Variants in PCDHA3 observed in about 807,000 individuals in gnomAD.
The protein encoded by PCDHA3 is protocadherin alpha-3.
Under a neutral mutation model 62.2 loss-of-function variants are expected in PCDHA3, and 41 were observed. The ratio of observed to expected loss-of-function variants is 0.66; its 90% CI spans 0.51 to 0.86. PCDHA3 has a LOEUF of 0.86. PCDHA3 is among the 40% of genes least tolerant of loss of function. PCDHA3 has a pLI of 0.00. For missense variants in PCDHA3, 1,304 were observed against 1,241.2 expected (o/e 1.05, Z -0.76); for synonymous variants, 640 against 555.4 (o/e 1.15, Z -2.14).
At chr5:140,867,018 T>C (rs1445969805) in intron 1 of PCDHA3, 1 of 152,176 alleles carries the variant, frequency 6.6e-6, no homozygotes, top group Non-Finnish European at 1.5e-5. Context: ...TCATACACTA[T>C]ATCAAACTCT....
chr5:140,831,815 T>C (rs1475150566), intron 1 of PCDHA3, among the ~76,000 whole-genome samples: 1 of 152,196 alleles, frequency 6.6e-6, no homozygotes, highest in Admixed American at 6.6e-5. Flanking sequence ...AAAGTTGGAA[T>C]GATAAACACT....
chr5:140,929,471 G>C, intron 1 of PCDHA3: 1 of 1,293,428 alleles, frequency 7.7e-7, no homozygotes, highest in Non-Finnish European at 1.0e-6. Context: ...CAAGAAATCT[G>C]GAAGTATAGA....
At chr5:140,885,016 T>C (rs1554181958) in intron 1 of PCDHA3, among the ~76,000 whole-genome samples, 1 of 152,244 alleles carries the variant, frequency 6.6e-6, no homozygotes. Flanking sequence ...CTAATCGTAA[T>C]CTTAAATTTA....
chr5:140,920,974 A>G (rs77459262), intron 1 of PCDHA3, among the ~76,000 whole-genome samples: 17,697 of 151,984 alleles, frequency 0.12, 1,149 homozygotes, highest in Middle Eastern at 0.19. Context: ...CTAGAGTATA[A>G]TATTGTATTT....
At chr5:140,863,211 C>G in intron 1 of PCDHA3, 5 of 1,030,298 alleles carry the variant, frequency 4.9e-6, no homozygotes, top group Non-Finnish European at 7.2e-6. Context: ...CGGAGAGCAG[C>G]CAAGCGAGGA....
At chr5:140,816,594 T>C (rs1765954434) in intron 1 of PCDHA3, 1 of 152,074 alleles carries the variant, frequency 6.6e-6, no homozygotes, top group South Asian at 2.1e-4. Flanking sequence ...TTACTTTGTG[T>C]TGATATCTAT....
intron 1 of PCDHA3, chr5:140,967,149 C>A (rs781864120): frequency 1.3e-5 from 21 of 1,610,890 alleles, no homozygotes; most frequent in Non-Finnish European, 1.7e-5. Flanking sequence ...GCGCACAACC[C>A]CGTGGCGGTG....
At position 140,878,967 on chromosome 5, in the gene PCDHA3, C is replaced by T. The variant is rs562198206; in HGVS notation, c.2394+75376C>T. On this transcript the variant is annotated intron_variant, in intron 1 of 3. Coordinates refer to ENST00000522353, the MANE Select transcript of PCDHA3 (RefSeq NM_018906.3). ...ATGGTATTGAAATGTATTACCTGGA[C>T]ATTCCCCTCTATCTTAGAAATGAGA... Among the ~76,000 whole-genome samples, 52 of 152,298 alleles carry T rather than the reference C, an allele frequency of 3.4e-4. No individual in the cohort carries two copies. The South Asian group carries it at 0.01, about 30-fold the overall frequency.
At chr5:140,822,223 C>T (rs2150114671) in intron 1 of PCDHA3, 1 of 1,614,234 alleles carries the variant, frequency 6.2e-7, no homozygotes, top group South Asian at 1.1e-5. Flanking sequence ...GCCAGATTCG[C>T]GGTTTCCGCT....
In PCDHA3 at chr5:140,823,211, G is replaced by A. The variant is rs2150123519; in HGVS notation, c.2394+19620G>A. The A allele has an allele frequency of 1.9e-5, 30 of 1,613,796 alleles. 2 individuals carry two copies. The South Asian group carries it at 2.7e-4, about 15-fold the overall frequency. ...TGCCACATCTTCACGGTGTCTGCAC[G>A]GGACGCGGACGCGCAGGAGAACGCC... On this transcript the variant is annotated intron_variant, in intron 1 of 3. Transcript: ENST00000522353.
Position 140,843,013 on chromosome 5 carries a change from A to G in PCDHA3, c.2394+39422A>G, listed in dbSNP as rs2150350146. On this transcript the variant is annotated intron_variant, in intron 1 of 3. Coordinates refer to ENST00000522353, the MANE Select transcript of PCDHA3 (RefSeq NM_018906.3). The stretch of plus-strand genomic sequence containing the variant: ...TGGACGAGAATGACAACGCGCCGGC[A>G]CTGCTGGAGCCTCGGGTGGGTGGCA... 14 of 1,595,012 alleles carry G rather than the reference A, an allele frequency of 8.8e-6. 1 individual carries two copies. Among genetic ancestry groups the G allele is most frequent in the East Asian group, 2.2e-5 (1 of 44,830 alleles).
At chr5:140,898,026 T>G (rs11167645) in intron 1 of PCDHA3, among the ~76,000 whole-genome samples, 49,476 of 151,852 alleles carry the variant, frequency 0.33, 8,303 homozygotes, top group East Asian at 0.53. Flanking sequence ...GCCCACTTTT[T>G]GATGGGGTTG....
intron 1 of PCDHA3, chr5:140,869,887 C>T (rs782219538): frequency 3.7e-6 from 6 of 1,610,056 alleles, no homozygotes; most frequent in Non-Finnish European, 3.4e-6. Flanking sequence ...AACTCTTGTG[C>T]TCAAACTAAA....
chr5:140,993,012 C>G (rs1307637137), intron 3 of PCDHA3, among the ~76,000 whole-genome samples: 2 of 152,198 alleles, frequency 1.3e-5, no homozygotes, highest in Admixed American at 1.3e-4. Context: ...CCCCAGAGTC[C>G]AGCATCCCCT....
intron 1 of PCDHA3, chr5:140,842,529 A>C (rs1323450768): frequency 6.2e-7 from 1 of 1,613,050 alleles, no homozygotes; most frequent in East Asian, 2.2e-5. Context: ...ACCTTCAAGA[A>C]TTACTACTCG....
intron 1 of PCDHA3, among the ~76,000 whole-genome samples, chr5:140,901,937 A>G (rs2068997026): frequency 6.7e-6 from 1 of 148,692 alleles, no homozygotes; most frequent in South Asian, 2.1e-4. Context: ...ATTCCTAGGT[A>G]TATTTAGTTT....
In PCDHA3 at chr5:140,870,098, A is replaced by G. The variant is rs181372298; in HGVS notation, c.2394+66507A>G. 3.1e-6 allele frequency: 5 copies of G among 1,613,860 alleles called. No individual in the cohort carries two copies. The East Asian group carries it at 1.1e-4, about 36-fold the overall frequency. On this transcript the variant is annotated intron_variant, in intron 1 of 3. Transcript: ENST00000522353. ...AAGGGGACTCCCCCAATGGCAGGTC[A>G]CTGTACAGTCTGGGTGGAAATCTTG... is the stretch of plus-strand genomic sequence containing the variant.
chr5:140,889,025 A>G (rs2062065518), intron 1 of PCDHA3, among the ~76,000 whole-genome samples: 1 of 152,068 alleles, frequency 6.6e-6, no homozygotes, highest in South Asian at 2.1e-4. Flanking sequence ...TTCCTTGGAT[A>G]ACCGTAATTT....
chr5:140,904,714 C>T (rs1306730472), intron 1 of PCDHA3, among the ~76,000 whole-genome samples: 1 of 152,110 alleles, frequency 6.6e-6, no homozygotes, highest in African/African-American at 2.4e-5. Flanking sequence ...TCACCACATT[C>T]TGGCCAACAT....
Sources: allele counts gnomAD v4.1 joint callset (sites outside exome capture counted in the v4.1 genomes callset), GRCh38; gene constraint gnomAD v4.1.1; transcripts MANE v1.5; gene names NCBI Gene and HGNC (gene_info 2026-07-23, HGNC 2026-07-21).